Variants in CEP85L observed in about 807,000 individuals in gnomAD.
The protein encoded by CEP85L is centrosomal protein 85L.
A neutral mutation model predicts 100.3 loss-of-function variants in CEP85L; 60 were observed. The ratio of observed to expected loss-of-function variants is 0.60; its 90% CI spans 0.49 to 0.74. The LOEUF is 0.74. Among genes scored for constraint, CEP85L ranks in the 30% least tolerant of loss-of-function variants. CEP85L has a pLI of 0.00. For synonymous variants in CEP85L, 319 were observed against 322.7 expected, an observed-to-expected ratio of 0.99 and a Z score of 0.12; for missense variants, 973 against 936.2, an observed-to-expected ratio of 1.04 and a Z score of -0.51.
At chr6:118,499,098 G>C (rs1417534246) in intron 5 of CEP85L, among the ~76,000 whole-genome samples, 1 of 152,118 alleles carries the variant, frequency 6.6e-6, no homozygotes, top group Non-Finnish European at 1.5e-5. Context: ...GTGGTATCCA[G>C]TGAAAGCAGT....
chr6:118,664,838 T>C (rs918326531), intron 1 of CEP85L, among the ~76,000 whole-genome samples: 2 of 152,120 alleles, frequency 1.3e-5, no homozygotes, highest in African/African-American at 4.8e-5. Flanking sequence ...CGGTAGTCAC[T>C]TACTGGAAAA....
chr6:118,541,364 TGTATA>T lies in CEP85L; in HGVS notation c.1021-17449_1021-17445del, dbSNP rs1777895808. Among the ~76,000 whole-genome samples the T allele has an allele frequency of 2.0e-5, 3 of 152,214 alleles. 1 individual carries two copies. The South Asian group carries it at 6.2e-4, about 32-fold the overall frequency. ...GCTTTCCTGAAATATAGCAAAACCA[TGTATA>T]ACTCTCAGTAGCGTAATTAAGTTGC... On this transcript the variant is annotated intron_variant, in intron 3 of 12. Coordinates refer to ENST00000368491, the MANE Select transcript of CEP85L (RefSeq NM_001042475.3).
intron 5 of CEP85L, among the ~76,000 whole-genome samples, chr6:118,494,125 C>A (rs1055649293): frequency 1.3e-5 from 2 of 152,082 alleles, no homozygotes; most frequent in Non-Finnish European, 2.9e-5. Flanking sequence ...AAAGCAAAAA[C>A]CCATTAGTAG....
chr6:118,574,408 C>G (rs1225768121), intron 2 of CEP85L, among the ~76,000 whole-genome samples: 1 of 152,230 alleles, frequency 6.6e-6, no homozygotes, highest in African/African-American at 2.4e-5. Context: ...CTCTTGCGAT[C>G]GTTACTGACG....
intron 2 of CEP85L, among the ~76,000 whole-genome samples, chr6:118,567,209 A>G (rs868643562): frequency 2.3e-4 from 21 of 89,686 alleles, no homozygotes; most frequent in African/African-American, 7.3e-4. Context: ...ATATATATGT[A>G]TGTGTGTGTG....
At chr6:118,514,863 G>A (rs575986630) in intron 4 of CEP85L, among the ~76,000 whole-genome samples, 6 of 151,724 alleles carry the variant, frequency 4.0e-5, no homozygotes, top group Non-Finnish European at 7.4e-5. Flanking sequence ...GGAAGGCAGC[G>A]GTGTGATTAG....
intron 1 of CEP85L, among the ~76,000 whole-genome samples, chr6:118,639,763 T>G (rs144234613): frequency 1.3e-3 from 192 of 152,328 alleles, no homozygotes; most frequent in African/African-American, 4.4e-3. Context: ...TCTCAATAAA[T>G]GTAGTCATTA....
chr6:118,607,568 T>G (rs1772313332), intron 2 of CEP85L, among the ~76,000 whole-genome samples: 1 of 152,056 alleles, frequency 6.6e-6, no homozygotes, highest in African/African-American at 2.4e-5. Context: ...TAACATCCAA[T>G]AGTGACGAGA....
At chr6:118,637,702 T>TCAA (rs1774597021) in intron 1 of CEP85L, among the ~76,000 whole-genome samples, 1 of 3,456 alleles carries the variant, frequency 2.9e-4, no homozygotes, top group Non-Finnish European at 8.8e-4. Flanking sequence ...CAAGACTGTC[T>TCAA]CAAAAAAAAA....
chr6:118,677,821 A>G (rs1355430970), intron 1 of CEP85L, among the ~76,000 whole-genome samples: 3 of 152,160 alleles, frequency 2.0e-5, no homozygotes, highest in Non-Finnish European at 2.9e-5. Flanking sequence ...TGTCCTGCCA[A>G]TATTGCCCAT....
chr6:118,536,670 GC>G (rs1171677246), intron 3 of CEP85L, among the ~76,000 whole-genome samples: 1 of 152,024 alleles, frequency 6.6e-6, no homozygotes, highest in Non-Finnish European at 1.5e-5. Context: ...TCTGCAACTA[GC>G]CATGAGATAA....
At chr6:118,519,594 G>GT (rs1776538559) in intron 4 of CEP85L, among the ~76,000 whole-genome samples, 1 of 49,054 alleles carries the variant, frequency 2.0e-5, no homozygotes, top group Non-Finnish European at 4.3e-5. Context: ...CGGGGGGGGG[G>GT]TGTGAAACTC....
rs533941621 is a variant in CEP85L at position 118,609,693 on chromosome 6, T to C, written c.232+22760A>G. Among the ~76,000 whole-genome samples, 12 of 151,378 alleles carry C rather than the reference T, an allele frequency of 7.9e-5. No homozygotes were observed. In the South Asian group the frequency reaches 2.1e-3, roughly 26 times the overall value. On this transcript the variant is annotated intron_variant, in intron 2 of 12. Coordinates refer to ENST00000368491, the MANE Select transcript of CEP85L (RefSeq NM_001042475.3). ...GAGATCAGAACAAAATTCCTGACAA[T>C]AGAAAACAAAGGGCGTTAAATATTG...
chr6:118,523,631 T>C (rs1403693357), intron 4 of CEP85L, among the ~76,000 whole-genome samples, 171 bp downstream of exon 4: 1 of 152,184 alleles, frequency 6.6e-6, no homozygotes, highest in East Asian at 1.9e-4. Flanking sequence ...AAACCATCAG[T>C]TCTAACAGTA....
intron 3 of CEP85L, among the ~76,000 whole-genome samples, chr6:118,553,791 T>C (rs1319035995): frequency 6.6e-6 from 1 of 152,184 alleles, no homozygotes; most frequent in African/African-American, 2.4e-5. Flanking sequence ...TATCTCTGTA[T>C]TTCACAAATA....
intron 2 of CEP85L, among the ~76,000 whole-genome samples, chr6:118,572,920 G>A (rs199506544): frequency 1.3e-5 from 2 of 151,990 alleles, no homozygotes; most frequent in East Asian, 3.9e-4. Context: ...AAATTAGCCG[G>A]GCGCAGTGGT....
At chr6:118,537,533 GA>G (rs1777663763) in intron 3 of CEP85L, 3 of 985,068 alleles carry the variant, frequency 3.0e-6, no homozygotes, top group African/African-American at 3.5e-5. Context: ...CCTCTTCTTG[GA>G]AATGGCAGAT....
intron 2 of CEP85L, among the ~76,000 whole-genome samples, chr6:118,596,818 A>C (rs1781479895): frequency 6.6e-6 from 1 of 152,098 alleles, no homozygotes; most frequent in Non-Finnish European, 1.5e-5. Context: ...CAGTCTTACT[A>C]TTCCTTCTTA....
At chr6:118,588,420 A>T (rs1780990464) in intron 2 of CEP85L, among the ~76,000 whole-genome samples, 1 of 152,226 alleles carries the variant, frequency 6.6e-6, no homozygotes, top group Non-Finnish European at 1.5e-5. Flanking sequence ...GTAGCACAAA[A>T]TCGACAGGCC....
Sources: gnomAD v4.1 joint callset for allele counts (sites outside exome capture counted in the v4.1 genomes callset) on GRCh38, gnomAD v4.1.1 for gene constraint, MANE v1.5 for transcripts, NCBI Gene and HGNC (gene_info 2026-07-23, HGNC 2026-07-21) for gene names.